Variants in GPR39 observed in about 807,000 individuals in gnomAD.
GPR39 encodes zinc sensing receptor.
GPR39 carries 23 observed loss-of-function variants against 18.4 expected under a neutral mutation model. The ratio of observed to expected loss-of-function variants is 1.25; its 90% CI spans 0.90 to 1.77. The LOEUF (loss-of-function observed/expected upper bound fraction) is 1.77, where lower values mean the gene tolerates loss of function less well. Ranked by LOEUF, GPR39 falls within the 40% of genes most tolerant of loss-of-function variation. The pLI, the probability that GPR39 is intolerant of heterozygous loss-of-function variation, is 0.00. For missense variants in GPR39, 647 were observed against 602.4 expected, an observed-to-expected ratio of 1.07 and a Z score of -0.78; for synonymous variants, 280 against 257.9, an observed-to-expected ratio of 1.09 and a Z score of -0.82.
At chr2:132,623,266 A>C (rs1681478233) in intron 1 of GPR39, among the ~76,000 whole-genome samples, 1 of 152,156 alleles carries the variant, frequency 6.6e-6, no homozygotes, top group Non-Finnish European at 1.5e-5. Flanking sequence ...TGGACGAGGG[A>C]AGCCCAGCAC....
At chr2:132,492,102 A>G (rs1342159619) in intron 1 of GPR39, among the ~76,000 whole-genome samples, 1 of 149,944 alleles carries the variant, frequency 6.7e-6, no homozygotes, top group Non-Finnish European at 1.5e-5. Context: ...ATATATATAC[A>G]TACCATATAT....
intron 1 of GPR39, among the ~76,000 whole-genome samples, chr2:132,640,990 T>C (rs1382061506): frequency 1.3e-5 from 2 of 152,216 alleles, no homozygotes; most frequent in East Asian, 1.9e-4. Context: ...ATGTTTGTCA[T>C]TGGCTGTACC....
intron 1 of GPR39, among the ~76,000 whole-genome samples, chr2:132,536,635 G>A (rs1194991579): frequency 1.3e-5 from 2 of 152,176 alleles, no homozygotes; most frequent in African/African-American, 4.8e-5. Flanking sequence ...TTAATTTTCT[G>A]TTTTGTTGAT....
Position 132,645,440 on chromosome 2 carries a change from A to G in GPR39, c.1196A>G (p.Gln399Arg). ...QRPLLFASRR[Q>R]SSARRTEKIF... The stretch of plus-strand genomic sequence containing the variant: ...CCGTTGCTCTTCGCGTCCCGGCGCC[A>G]GTCCTCTGCAAGGAGAACTGAGAAG... Residue 399 changes from glutamine to arginine, a missense_variant, in exon 2 of 2, where the codon CAG (glutamine) becomes CGG (arginine). Around this residue, in one of 3 missense-constraint regions of GPR39, gnomAD observed 581 missense variants for 506.8 expected, o/e 1.15. Coordinates refer to ENST00000329321, the MANE Select transcript of GPR39 (RefSeq NM_001508.3). 1 of 1,613,662 alleles carries G rather than the reference A, an allele frequency of 6.2e-7. No homozygotes were observed. The highest frequency in any genetic ancestry group is 1.3e-5 in the African/African-American group (1 of 75,018).
At chr2:132,444,356 A>G (rs1680496655) in intron 1 of GPR39, among the ~76,000 whole-genome samples, 1 of 151,996 alleles carries the variant, frequency 6.6e-6, no homozygotes, top group African/African-American at 2.4e-5. Flanking sequence ...CAGTGGTACA[A>G]TCATAGCTCA....
chr2:132,431,377 T>C (rs1478946605), intron 1 of GPR39, among the ~76,000 whole-genome samples: 1 of 152,222 alleles, frequency 6.6e-6, no homozygotes, highest in Non-Finnish European at 1.5e-5. Context: ...ATAGGAAACA[T>C]ATGAGTTGCA....
chr2:132,567,018 C>T (rs1228661250), intron 1 of GPR39, among the ~76,000 whole-genome samples: 2 of 152,098 alleles, frequency 1.3e-5, no homozygotes, highest in Non-Finnish European at 2.9e-5. Flanking sequence ...AAACTTAATC[C>T]CCAAAGTAAC....
chr2:132,469,495 G>T (rs1468983617), intron 1 of GPR39, among the ~76,000 whole-genome samples: 2 of 152,150 alleles, frequency 1.3e-5, no homozygotes, highest in African/African-American at 2.4e-5. Context: ...TAATTGAATC[G>T]CAAATAACAC....
intron 1 of GPR39, among the ~76,000 whole-genome samples, chr2:132,427,905 A>G (rs1005090006): frequency 7.2e-6 from 1 of 138,136 alleles, no homozygotes; most frequent in South Asian, 2.2e-4. Flanking sequence ...TATATAATAT[A>G]AAATTATATT....
chr2:132,517,289 A>G (rs1478854827), intron 1 of GPR39, among the ~76,000 whole-genome samples: 1 of 152,112 alleles, frequency 6.6e-6, no homozygotes, highest in Non-Finnish European at 1.5e-5. Flanking sequence ...AATAGTTGCC[A>G]TTTTGGGGGA....
chr2:132,645,110 T>C lies in GPR39; in HGVS notation c.866T>C (p.Val289Ala). 6.2e-7 allele frequency: 1 copy of C among 1,612,334 alleles called. No homozygotes were observed. Among genetic ancestry groups the C allele is most frequent in the Middle Eastern group, 1.7e-4 (1 of 6,054 alleles). Residue 289 changes from valine to alanine, a missense_variant, in exon 2 of 2, where the codon GTT becomes GCT. Around this residue, in one of 3 missense-constraint regions of GPR39, gnomAD observed 581 missense variants for 506.8 expected, o/e 1.15. Coordinates refer to ENST00000329321, the MANE Select transcript of GPR39 (RefSeq NM_001508.3). ...RQTIIFLRLI[V>A]VTLAVCWMPN... Reference sequence around the variant, plus strand: ...GCTCGTGTCTGCCCAGGGCTGATTGTTGTGACATTGGCCGTATGCTGGATG... The same window carrying C: ...GCTCGTGTCTGCCCAGGGCTGATTGCTGTGACATTGGCCGTATGCTGGATG...
At chr2:132,439,647 G>T (rs1430897853) in intron 1 of GPR39, among the ~76,000 whole-genome samples, 1 of 152,208 alleles carries the variant, frequency 6.6e-6, no homozygotes, top group Non-Finnish European at 1.5e-5. Flanking sequence ...AGATGATTCT[G>T]TGGAGGCTTA....
chr2:132,547,696 A>G (rs1376383388), intron 1 of GPR39, among the ~76,000 whole-genome samples: 1 of 152,182 alleles, frequency 6.6e-6, no homozygotes, highest in African/African-American at 2.4e-5. Context: ...CTAGAGCTGT[A>G]ACTGATAGGA....
intron 1 of GPR39, among the ~76,000 whole-genome samples, chr2:132,639,096 G>A (rs1317789166): frequency 6.6e-6 from 1 of 152,108 alleles, no homozygotes; most frequent in East Asian, 1.9e-4. Context: ...GTGTTGTTCG[G>A]CTCAGACCAT....
At chr2:132,576,519 G>A (rs962248410) in intron 1 of GPR39, among the ~76,000 whole-genome samples, 2 of 152,040 alleles carry the variant, frequency 1.3e-5, no homozygotes, top group African/African-American at 4.8e-5. Flanking sequence ...CAGCCATGGT[G>A]GTGTGCACCT....
At chr2:132,425,777 G>C (rs928004275) in intron 1 of GPR39, among the ~76,000 whole-genome samples, 1 of 152,152 alleles carries the variant, frequency 6.6e-6, no homozygotes, top group Non-Finnish European at 1.5e-5. Flanking sequence ...ATTCTCTGTT[G>C]CTGGCTTTGG....
At chr2:132,430,837 C>T (rs952607340) in intron 1 of GPR39, among the ~76,000 whole-genome samples, 12 of 152,206 alleles carry the variant, frequency 7.9e-5, no homozygotes, top group African/African-American at 2.7e-4. Context: ...TGGGGACCTT[C>T]GTAAGCTTAG....
chr2:132,465,118 A>C (rs1227983434), intron 1 of GPR39, among the ~76,000 whole-genome samples: 1 of 152,200 alleles, frequency 6.6e-6, no homozygotes, highest in Non-Finnish European at 1.5e-5. Context: ...GGAATATGTG[A>C]AAGTGATTGG....
In GPR39 at chr2:132,464,307, A is replaced by G. The variant is rs149039240; in HGVS notation, c.856+46409A>G. Among the ~76,000 whole-genome samples, 335 of 152,336 alleles carry G rather than the reference A, an allele frequency of 2.2e-3. 1 individual carries two copies. Among genetic ancestry groups the G allele is most frequent in the African/African-American group, 7.0e-3 (293 of 41,578 alleles). On this transcript the variant is annotated intron_variant, in intron 1 of 1. Transcript: ENST00000329321. ...TTCAGTTGTGTGGTAAAAGTTTAAC[A>G]TAGCAGCCTTGAAGCTGGTGTCCTT...
Sources: gnomAD v4.1 joint callset for allele counts (sites outside exome capture counted in the v4.1 genomes callset) on GRCh38, gnomAD v4.1.1 for gene constraint, gnomAD v4.1.1 regional missense constraint, MANE v1.5 for transcripts, NCBI Gene and HGNC (gene_info 2026-07-23, HGNC 2026-07-21) for gene names.